The following DENND6A variants were observed in gnomAD, a reference collection of about 807,000 sequenced individuals.
DENND6A encodes the protein protein DENND6A.
DENND6A carries 43 observed loss-of-function variants against 95.5 expected under a neutral mutation model. The observed-to-expected ratio is 0.45, with a 90% CI of 0.35 to 0.58. The LOEUF is 0.58. DENND6A is among the 20% of genes least tolerant of loss of function. DENND6A has a pLI of 0.00. For missense variants in DENND6A, 574 were observed against 736.0 expected, an observed-to-expected ratio of 0.78 and a Z score of 2.55; for synonymous variants, 257 against 260.4, an observed-to-expected ratio of 0.99 and a Z score of 0.13.
chr3:57,691,372 C>A (rs1191621442), intron 1 of DENND6A, among the ~76,000 whole-genome samples: 2 of 152,154 alleles, frequency 1.3e-5, no homozygotes, highest in Non-Finnish European at 2.9e-5. Context: ...CCACTAGGTG[C>A]CAGGCACTGC....
At chr3:57,646,878 TG>T (rs1332058452) in intron 9 of DENND6A, among the ~76,000 whole-genome samples, 1 of 152,188 alleles carries the variant, frequency 6.6e-6, no homozygotes, top group East Asian at 1.9e-4. Flanking sequence ...CATTAAAGAA[TG>T]ATGACAAATC....
chr3:57,639,415 C>G (rs974676165), intron 12 of DENND6A, among the ~76,000 whole-genome samples: 12 of 152,166 alleles, frequency 7.9e-5, no homozygotes, highest in Non-Finnish European at 1.0e-4. Flanking sequence ...CAAAAGTTAT[C>G]TACCTACATC....
chr3:57,684,111 C>T (rs967508215), intron 1 of DENND6A, among the ~76,000 whole-genome samples: 2 of 139,670 alleles, frequency 1.4e-5, no homozygotes, highest in Non-Finnish European at 3.0e-5. Flanking sequence ...AAGATTGTGC[C>T]ACTGCACTCC....
intron 1 of DENND6A, among the ~76,000 whole-genome samples, chr3:57,675,632 T>C (rs1366170410): frequency 6.6e-6 from 1 of 152,218 alleles, no homozygotes; most frequent in East Asian, 1.9e-4. Flanking sequence ...ATGAAACTCC[T>C]GCCCCACAGC....
chr3:57,691,532 T>C (rs1419063776), intron 1 of DENND6A, among the ~76,000 whole-genome samples: 1 of 152,128 alleles, frequency 6.6e-6, no homozygotes. Flanking sequence ...GTCGCTGAAC[T>C]GTGTTATAAT....
intron 1 of DENND6A, among the ~76,000 whole-genome samples, chr3:57,676,355 G>A (rs1470442090): frequency 7.8e-6 from 1 of 128,736 alleles, no homozygotes; most frequent in Non-Finnish European, 1.6e-5. Context: ...CCTTCAGCCT[G>A]GCAAAAGAAT....
At chr3:57,684,095 C>T (rs1450146263) in intron 1 of DENND6A, among the ~76,000 whole-genome samples, 3 of 135,308 alleles carry the variant, frequency 2.2e-5, no homozygotes, top group Admixed American at 1.7e-4. Context: ...GAGGTTGCAG[C>T]GAGCCAAGAT....
At position 57,692,769 on chromosome 3, in the gene DENND6A, G is replaced by A. The variant is rs751626057; in HGVS notation, c.237+13C>T. 1 of 1,479,652 alleles carries A rather than the reference G, an allele frequency of 6.8e-7. No homozygotes were observed. The highest frequency in any genetic ancestry group is 8.9e-7 in the Non-Finnish European group (1 of 1,120,704). 91.7% of individuals were successfully genotyped at this position (1,479,652 alleles called of 1,614,324 possible). A position where few individuals can be genotyped will look rare whatever the true frequency, so the allele number is the denominator to read the frequency against. ...GGGGAGGAGCGCCGAGAAAGGGCGG[G>A]GCCGGGCCTCACCTCCACGGCCTGG... On this transcript the variant is annotated intron_variant, in intron 1 of 19. Transcript: ENST00000311128.
In DENND6A at chr3:57,629,774, A is replaced by G. The variant is rs549014183; in HGVS notation, c.1620+647T>C. 2.0e-5 allele frequency among the ~76,000 whole-genome samples: 3 copies of G among 151,176 alleles called. No individual in the cohort carries two copies. In the South Asian group the frequency reaches 6.3e-4, roughly 32 times the overall value. On this transcript the variant is annotated intron_variant, in intron 18 of 19. Coordinates refer to ENST00000311128, the MANE Select transcript of DENND6A (RefSeq NM_152678.3). Reference sequence around the variant, plus strand: ...CCTGACCTCGTGATCCACCCACCTCAGCCTCCCAAAGTGCTGGGATTACAG... The same window carrying G: ...CCTGACCTCGTGATCCACCCACCTCGGCCTCCCAAAGTGCTGGGATTACAG...
intron 1 of DENND6A, among the ~76,000 whole-genome samples, chr3:57,681,882 G>T (rs559633703): frequency 1.8e-4 from 28 of 152,206 alleles, no homozygotes; most frequent in African/African-American, 6.7e-4. Flanking sequence ...TCTTTTTGGG[G>T]TGAAGAAAAT....
Position 57,628,167 on chromosome 3 carries a change from T to A in DENND6A, c.*47A>T. The A allele has an allele frequency of 6.3e-7, 1 of 1,586,466 alleles. No homozygotes were observed. The highest frequency in any genetic ancestry group is 8.6e-7 in the Non-Finnish European group (1 of 1,165,200). ...TGTGCGTCTGGTTGAAATGTCAGTA[T>A]GCTTCATGATGCATAATCCTTTTTG... On this transcript the variant is annotated 3_prime_UTR_variant, in exon 20 of 20. Transcript: ENST00000311128.
intron 1 of DENND6A, among the ~76,000 whole-genome samples, chr3:57,687,151 A>G (rs140449451): frequency 0.024 from 3,656 of 152,198 alleles, 68 homozygotes; most frequent in Non-Finnish European, 0.035. Flanking sequence ...GAGACACCAC[A>G]CCCAGCCAAA....
rs927618258 is a variant in DENND6A, at chr3:57,625,670, G to T, written c.*2544C>A. ...AAAAAAAGACAAATCTAAAAATCAC[G>T]CACCAAAAATTATCAGTCACTCTTT... On this transcript the variant is annotated 3_prime_UTR_variant, in exon 20 of 20. Transcript: ENST00000311128. 4 of 151,488 alleles carry T rather than the reference G, an allele frequency of 2.6e-5. No homozygotes were observed. The allele number at this position is 151,488 out of a possible 1,614,324, so 9.4% of individuals were successfully genotyped here. A position where few individuals can be genotyped will look rare whatever the true frequency, so the allele number is the denominator to read the frequency against.
chr3:57,688,624 C>T (rs1275222793), intron 1 of DENND6A, among the ~76,000 whole-genome samples: 3 of 151,680 alleles, frequency 2.0e-5, no homozygotes, highest in Admixed American at 2.0e-4. Context: ...AAACTGAGGC[C>T]ACTGCAGCAC....
intron 4 of DENND6A, 191 bp downstream of exon 4, chr3:57,665,932 T>C (rs190581357): frequency 1.8e-5 from 9 of 495,078 alleles, no homozygotes; most frequent in East Asian, 6.6e-5. Context: ...GTTTCAAACA[T>C]AGTAACTGTA....
At chr3:57,645,410 G>C (rs1358583506) in intron 11 of DENND6A, among the ~76,000 whole-genome samples, 1 of 152,092 alleles carries the variant, frequency 6.6e-6, no homozygotes, top group East Asian at 1.9e-4. Flanking sequence ...GCAGTGAGCC[G>C]AGATCATGCC....
At chr3:57,649,435 A>C (rs917985992) in intron 9 of DENND6A, among the ~76,000 whole-genome samples, 3 of 152,142 alleles carry the variant, frequency 2.0e-5, no homozygotes, top group Non-Finnish European at 4.4e-5. Flanking sequence ...CCACTATGGA[A>C]AACCGTACAG....
chr3:57,659,177 G>A lies in DENND6A; in HGVS notation c.703C>T (p.Arg235Trp), dbSNP rs754343499. 9.9e-6 allele frequency: 16 copies of A among 1,613,758 alleles called. No homozygotes were observed. The East Asian group carries it at 1.3e-4, about 13-fold the overall frequency. The change falls in exon 8 of 20, where the codon CGG becomes TGG. Residue 235 changes from arginine (R) to tryptophan (W), a missense_variant. Around this residue, in one of 2 missense-constraint regions of DENND6A, gnomAD observed 452 missense variants for 630.9 expected, o/e 0.72. Transcript: ENST00000311128. The stretch of plus-strand genomic sequence containing the variant: ...GGCTTGTCATGACATGTGGGAATCC[G>A]TACCTAAAAGAAAGACAGGAAATTA... The part of the protein sequence containing the change: ...LPIMGVVMKV[R>W]IPTCHDKPGT...
At chr3:57,631,847 C>A (rs1214799963) in intron 15 of DENND6A, among the ~76,000 whole-genome samples, 1 of 145,380 alleles carries the variant, frequency 6.9e-6, no homozygotes, top group Non-Finnish European at 1.5e-5. Context: ...CTCAGCCTCC[C>A]GAGTAGCTGG....
Sources: gnomAD v4.1 joint callset for allele counts (sites outside exome capture counted in the v4.1 genomes callset) on GRCh38, gnomAD v4.1.1 for gene constraint, gnomAD v4.1.1 regional missense constraint, MANE v1.5 for transcripts, NCBI Gene and HGNC (gene_info 2026-07-23, HGNC 2026-07-21) for gene names.